FSHR: variants seen among roughly 807,000 people sequenced by gnomAD.
FSHR encodes the protein follicle stimulating hormone receptor, also known as follicle-stimulating hormone receptor.
In FSHR, 46 loss-of-function variants were observed where a neutral mutation model predicts 52.1. That is an observed-to-expected ratio of 0.88 (90% CI 0.70 to 1.13). FSHR has a LOEUF of 1.13. FSHR is among the 50% of genes most tolerant of loss of function. FSHR has a pLI of 0.00. For missense variants in FSHR, 964 were observed against 834.6 expected (o/e 1.16, Z -1.91); for synonymous variants, 399 against 309.6 (o/e 1.29, Z -3.03).
chr2:49,134,321 T>C (rs1672406564), intron 1 of FSHR, among the ~76,000 whole-genome samples: 1 of 152,196 alleles, frequency 6.6e-6, no homozygotes, highest in South Asian at 2.1e-4. Flanking sequence ...GAAATGCTCA[T>C]CATCACTGGC....
At chr2:49,049,860 C>T (rs1197410440) in intron 2 of FSHR, among the ~76,000 whole-genome samples, 1 of 144,766 alleles carries the variant, frequency 6.9e-6, no homozygotes, top group Non-Finnish European at 1.5e-5. Flanking sequence ...TAATAAAAAC[C>T]AAACCCAAAT....
intron 1 of FSHR, among the ~76,000 whole-genome samples, chr2:49,132,710 G>T (rs915345547): frequency 6.6e-6 from 1 of 152,008 alleles, no homozygotes; most frequent in South Asian, 2.1e-4. Context: ...GAACTTCAAA[G>T]ATGATAATCC....
intron 4 of FSHR, among the ~76,000 whole-genome samples, chr2:49,006,346 CTT>C (rs1667076288): frequency 1.3e-5 from 2 of 152,048 alleles, no homozygotes; most frequent in African/African-American, 4.8e-5. Context: ...TATGTTATAA[CTT>C]ATTTTTTCCT....
At chr2:48,966,799 G>A (rs1056643548) in intron 9 of FSHR, among the ~76,000 whole-genome samples, 1 of 152,148 alleles carries the variant, frequency 6.6e-6, no homozygotes, top group Non-Finnish European at 1.5e-5. Context: ...CACAATTTTT[G>A]TTACTCCATT....
Position 49,066,520 on chromosome 2 carries a change from C to A in FSHR, c.224+1699G>T, listed in dbSNP as rs577524706. Among the ~76,000 whole-genome samples, 8 of 152,006 alleles carry A rather than the reference C, an allele frequency of 5.3e-5. No individual in the cohort carries two copies. The South Asian group carries it at 1.7e-3, about 32-fold the overall frequency. ...CCCTCTGCTAGAAAATGCTTTGAAGCCTTATGGTATAAAAAGGGTAAAAAA... is the reference window on the plus strand; with the variant it reads ...CCCTCTGCTAGAAAATGCTTTGAAGACTTATGGTATAAAAAGGGTAAAAAA... On this transcript the variant is annotated intron_variant, in intron 2 of 9. Coordinates refer to ENST00000406846, the MANE Select transcript of FSHR (RefSeq NM_000145.4).
intron 4 of FSHR, among the ~76,000 whole-genome samples, chr2:49,006,652 C>G (rs1667086147): frequency 6.6e-6 from 1 of 152,118 alleles, no homozygotes; most frequent in South Asian, 2.1e-4. Context: ...CCTGACTAGT[C>G]TGGCCTGAGG....
chr2:49,086,052 A>G (rs548353313), intron 1 of FSHR, among the ~76,000 whole-genome samples: 31 of 152,286 alleles, frequency 2.0e-4, no homozygotes, highest in Non-Finnish European at 3.8e-4. Context: ...AACATGGCAC[A>G]TGTATACATA....
intron 1 of FSHR, among the ~76,000 whole-genome samples, chr2:49,151,386 C>T (rs11891370): frequency 0.04 from 6,040 of 152,100 alleles, 375 homozygotes; most frequent in African/African-American, 0.14. Context: ...ATGTACAAAA[C>T]ATACTGCATA....
intron 2 of FSHR, among the ~76,000 whole-genome samples, chr2:49,021,851 C>CTATA (rs1667715973): frequency 3.0e-5 from 1 of 33,408 alleles, no homozygotes; most frequent in African/African-American, 1.3e-4. Flanking sequence ...CTCTCTCTCT[C>CTATA]TCTCTCTCTC....
intron 9 of FSHR, among the ~76,000 whole-genome samples, chr2:48,966,428 T>C (rs147746095): frequency 0.011 from 1,637 of 152,280 alleles, 30 homozygotes; most frequent in Middle Eastern, 0.041. Flanking sequence ...TACAGAATTA[T>C]GACAAGGAAA....
intron 8 of FSHR, among the ~76,000 whole-genome samples, chr2:48,969,425 C>T (rs182695537): frequency 8.5e-5 from 13 of 152,288 alleles, no homozygotes; most frequent in South Asian, 4.1e-4. Flanking sequence ...GTGGTGGTTA[C>T]GAACTTGGCG....
chr2:49,118,122 A>G (rs910214805), intron 1 of FSHR, among the ~76,000 whole-genome samples: 3 of 152,134 alleles, frequency 2.0e-5, no homozygotes, highest in Non-Finnish European at 4.4e-5. Context: ...TTGGGGGGAA[A>G]GAGTAAAAGC....
chr2:48,992,342 C>T lies in FSHR; in HGVS notation c.375-1705G>A, dbSNP rs77868069. Among the ~76,000 whole-genome samples the T allele has an allele frequency of 4.6e-3, 697 of 152,280 alleles. 6 individuals are homozygous for T. Among genetic ancestry groups the T allele is most frequent in the African/African-American group, 0.016 (672 of 41,540 alleles). Reference sequence around the variant, plus strand: ...TTTCCCTTTGTAGTTCATCTCTTCACCTACTTCATATCCCTAGCAACCACT... The same window carrying T: ...TTTCCCTTTGTAGTTCATCTCTTCATCTACTTCATATCCCTAGCAACCACT... On this transcript the variant is annotated intron_variant, in intron 4 of 9. Transcript: ENST00000406846.
intron 1 of FSHR, among the ~76,000 whole-genome samples, chr2:49,151,504 A>G (rs898076555): frequency 3.3e-5 from 5 of 152,142 alleles, no homozygotes; most frequent in East Asian, 3.8e-4. Flanking sequence ...GAAATTAGCA[A>G]TCTTTCGTGA....
intron 1 of FSHR, among the ~76,000 whole-genome samples, chr2:49,094,682 G>A (rs548895267): frequency 6.6e-6 from 1 of 152,070 alleles, no homozygotes; most frequent in Non-Finnish European, 1.5e-5. Flanking sequence ...GTGCTTTGAG[G>A]AAAATGTATA....
chr2:49,015,253 TA>T (rs1332590675), intron 4 of FSHR, among the ~76,000 whole-genome samples: 1 of 152,198 alleles, frequency 6.6e-6, no homozygotes, highest in Non-Finnish European at 1.5e-5. Context: ...TCTGTTCATT[TA>T]AATGCAAAGG....
At chr2:49,016,822 G>A (rs975459347) in intron 4 of FSHR, among the ~76,000 whole-genome samples, 2 of 152,162 alleles carry the variant, frequency 1.3e-5, no homozygotes, top group African/African-American at 4.8e-5. Flanking sequence ...GCGAGGTTAA[G>A]TCCATACCTA....
chr2:49,006,228 G>C (rs1483778524), intron 4 of FSHR, among the ~76,000 whole-genome samples: 2 of 152,006 alleles, frequency 1.3e-5, no homozygotes, highest in African/African-American at 4.8e-5. Flanking sequence ...AAAAAATCCT[G>C]ACTAATACAT....
At chr2:48,972,274 C>G (rs185649838) in intron 8 of FSHR, among the ~76,000 whole-genome samples, 1 of 152,198 alleles carries the variant, frequency 6.6e-6, no homozygotes, top group African/African-American at 2.4e-5. Context: ...CCACATACAT[C>G]TGGAATCTAA....
Sources: gnomAD v4.1 joint callset for allele counts (sites outside exome capture counted in the v4.1 genomes callset) on GRCh38, gnomAD v4.1.1 for gene constraint, MANE v1.5 for transcripts, NCBI Gene and HGNC (gene_info 2026-07-23, HGNC 2026-07-21) for gene names.